The following ADAMTS20 variants were observed in gnomAD, a reference collection of about 807,000 sequenced individuals.
The protein encoded by ADAMTS20 is ADAM metallopeptidase with thrombospondin type 1 motif 20, also known as A disintegrin and metalloproteinase with thrombospondin motifs 20.
In ADAMTS20, 225 loss-of-function variants were observed where a neutral mutation model predicts 260.1. That is an observed-to-expected ratio of 0.87 (90% CI 0.78 to 0.97). The LOEUF is 0.97. Ranked by LOEUF, ADAMTS20 falls within the 50% of genes least tolerant of loss-of-function variation. The pLI, the probability that ADAMTS20 is intolerant of heterozygous loss-of-function variation, is 0.00. For missense variants in ADAMTS20, 2,400 were observed against 2,337.7 expected (o/e 1.03, Z -0.55); for synonymous variants, 802 against 769.5 (o/e 1.04, Z -0.70).
intron 32 of ADAMTS20, among the ~76,000 whole-genome samples, chr12:43,377,110 C>A (rs951711599): frequency 2.6e-5 from 4 of 152,170 alleles, no homozygotes; most frequent in Admixed American, 1.3e-4. Flanking sequence ...AGCACTTACT[C>A]AAAGTGCAAG....
chr12:43,550,883 A>T, intron 2 of ADAMTS20, 26 bp downstream of exon 2: 2 of 1,502,868 alleles, frequency 1.3e-6, no homozygotes, highest in South Asian at 1.4e-5. Context: ...TCCCAAGAAA[A>T]TGCCAAGGGA....
At chr12:43,546,755 TATAG>T (rs1287480505) in intron 2 of ADAMTS20, among the ~76,000 whole-genome samples, 1 of 152,208 alleles carries the variant, frequency 6.6e-6, no homozygotes, top group Non-Finnish European at 1.5e-5. Context: ...TTACATTACT[TATAG>T]ATAATTTTAT....
intron 37 of ADAMTS20, among the ~76,000 whole-genome samples, chr12:43,364,719 T>C (rs924355186): frequency 2.0e-5 from 3 of 151,860 alleles, no homozygotes; most frequent in African/African-American, 7.3e-5. Flanking sequence ...CTCAGAGGAA[T>C]GAACGCACAC....
intron 2 of ADAMTS20, among the ~76,000 whole-genome samples, chr12:43,550,092 T>C (rs2137535738): frequency 6.6e-6 from 1 of 152,340 alleles, no homozygotes; most frequent in African/African-American, 2.4e-5. Flanking sequence ...TGAGCCTATA[T>C]ATGTTTTAAA....
chr12:43,545,174 G>C (rs1272427815), intron 2 of ADAMTS20, among the ~76,000 whole-genome samples: 1 of 152,106 alleles, frequency 6.6e-6, no homozygotes, highest in Non-Finnish European at 1.5e-5. Flanking sequence ...CCGCAGTAGG[G>C]TAATAGACTA....
intron 38 of ADAMTS20, 69 bp downstream of exon 38, chr12:43,356,415 G>A: frequency 1.0e-6 from 1 of 986,886 alleles, no homozygotes; most frequent in South Asian, 1.6e-5. Flanking sequence ...ATTTTAGGTA[G>A]AGAACCTTTA....
intron 28 of ADAMTS20, among the ~76,000 whole-genome samples, chr12:43,408,452 A>G (rs1940960772): frequency 6.6e-6 from 1 of 152,206 alleles, no homozygotes; most frequent in Admixed American, 6.5e-5. Context: ...AGGATTTACC[A>G]TTTCAAGTTC....
At chr12:43,412,634 C>T (rs186494432) in intron 28 of ADAMTS20, among the ~76,000 whole-genome samples, 17 of 152,188 alleles carry the variant, frequency 1.1e-4, no homozygotes, top group Admixed American at 1.1e-3. Context: ...ATTTGAGCCA[C>T]TATCCGTGAG....
At chr12:43,364,733 T>C (rs565612651) in intron 37 of ADAMTS20, among the ~76,000 whole-genome samples, 7 of 152,026 alleles carry the variant, frequency 4.6e-5, no homozygotes, top group African/African-American at 1.7e-4. Flanking sequence ...CGCACACCAT[T>C]AGGTGCACCA....
rs1238735165 is a variant in ADAMTS20, at chr12:43,364,234, G to C, written c.5538+5056C>G. On this transcript the variant is annotated intron_variant, in intron 37 of 38. Transcript: ENST00000389420. ...AAGAAGTAAACGATAACCATAACAA[G>C]AAGCCTCAAAAGGGAGGGTGAAATC... is the stretch of plus-strand genomic sequence containing the variant. Among the ~76,000 whole-genome samples, 4 of 151,994 alleles carry C rather than the reference G, an allele frequency of 2.6e-5. No homozygotes were observed. In the East Asian group the frequency reaches 7.7e-4, roughly 29 times the overall value.
At chr12:43,460,897 A>AC (rs1942047051) in intron 11 of ADAMTS20, among the ~76,000 whole-genome samples, 1 of 143,914 alleles carries the variant, frequency 6.9e-6, no homozygotes, top group Admixed American at 7.2e-5. Context: ...ATCTCTGGAA[A>AC]TAAAAATCAG....
intron 37 of ADAMTS20, among the ~76,000 whole-genome samples, chr12:43,368,976 G>A (rs1356923111): frequency 2.6e-5 from 4 of 152,112 alleles, no homozygotes; most frequent in African/African-American, 7.2e-5. Context: ...CTTGTGATCC[G>A]TTCCTTTGCC....
intron 3 of ADAMTS20, among the ~76,000 whole-genome samples, chr12:43,517,497 T>G (rs1943015336): frequency 6.6e-6 from 1 of 152,012 alleles, no homozygotes; most frequent in Admixed American, 6.6e-5. Flanking sequence ...ACGAAAGATG[T>G]GAAGACCTCC....
chr12:43,429,806 T>C (rs1180085422), intron 23 of ADAMTS20, 82 bp from the exon 24 acceptor site: 40 of 911,638 alleles, frequency 4.4e-5, no homozygotes, highest in African/African-American at 1.7e-5. Context: ...TTCTTCTGTA[T>C]GTCTCAAGAA....
In ADAMTS20 at chr12:43,434,327, T is replaced by G; in HGVS notation, c.2638A>C (p.Ser880Arg). 2 of 1,592,752 alleles carry G rather than the reference T, an allele frequency of 1.3e-6. No individual in the cohort carries two copies. Among genetic ancestry groups the G allele is most frequent in the Non-Finnish European group, 1.7e-6 (2 of 1,168,224 alleles). ...NITCIHKSDH[S>R]VVSDKECDHL... ...TCACATTCTTTATCAGACACAACAC[T>G]ATGATCACTCTTATGTATGCAAGTT... Residue 880 changes from serine to arginine, a missense_variant, in exon 19 of 39, where the codon AGT (serine) becomes CGT (arginine). Physicochemically the swap from Ser to Arg is moderately radical, Grantham distance 110. Transcript: ENST00000389420.
At chr12:43,404,819 A>T (rs1260990796) in intron 28 of ADAMTS20, among the ~76,000 whole-genome samples, 1 of 152,156 alleles carries the variant, frequency 6.6e-6, no homozygotes, top group African/African-American at 2.4e-5. Context: ...GATAAAGTTG[A>T]TTATTGAGAG....
chr12:43,374,135 G>A (rs1336825843), intron 36 of ADAMTS20, among the ~76,000 whole-genome samples: 1 of 152,092 alleles, frequency 6.6e-6, no homozygotes, highest in Non-Finnish European at 1.5e-5. Flanking sequence ...GATAAATAAA[G>A]AATTACACCC....
intron 27 of ADAMTS20, 71 bp downstream of exon 27, chr12:43,427,237 A>C: frequency 6.5e-7 from 1 of 1,532,904 alleles, no homozygotes; most frequent in Non-Finnish European, 8.9e-7. Context: ...ATTGAACAGT[A>C]TAAGATGCTT....
At chr12:43,491,705 G>A (rs763625058) in intron 6 of ADAMTS20, among the ~76,000 whole-genome samples, 1 of 152,076 alleles carries the variant, frequency 6.6e-6, no homozygotes, top group Non-Finnish European at 1.5e-5. Context: ...AGGTAGCCTG[G>A]TAATTAAGGC....
Sources: gnomAD v4.1 joint callset for allele counts (sites outside exome capture counted in the v4.1 genomes callset) on GRCh38, gnomAD v4.1.1 for gene constraint, MANE v1.5 for transcripts, NCBI Gene and HGNC (gene_info 2026-07-23, HGNC 2026-07-21) for gene names.